The following TUSC3 variants were observed in gnomAD, a reference collection of about 807,000 sequenced individuals.
TUSC3 encodes dolichyl-diphosphooligosaccharide--protein glycosyltransferase subunit TUSC3.
Under a neutral mutation model 44.8 loss-of-function variants are expected in TUSC3, and 45 were observed. The ratio of observed to expected loss-of-function variants is 1.00; its 90% confidence interval spans 0.79 to 1.29. TUSC3 has a LOEUF of 1.29. TUSC3 is among the 50% of genes most tolerant of loss of function. TUSC3 has a pLI of 0.00. For missense variants in TUSC3, 519 were observed against 437.9 expected (o/e 1.19, Z -1.65); for synonymous variants, 212 against 152.9 (o/e 1.39, Z -2.85).
chr8:15,730,820 C>CT, intron 7 of TUSC3, 91 bp downstream of exon 7: 17 of 1,249,554 alleles, frequency 1.4e-5, no homozygotes, highest in Non-Finnish European at 1.8e-5. Flanking sequence ...AATATCAAGA[C>CT]TTTTAAGAGA....
chr8:15,438,842 A>G (rs1330143678), intron 1 of TUSC3, among the ~76,000 whole-genome samples: 1 of 152,232 alleles, frequency 6.6e-6, no homozygotes, highest in African/African-American at 2.4e-5. Flanking sequence ...TGATGAGTGA[A>G]TATGCAGAGC....
the TUSC3 span, among the ~76,000 whole-genome samples, chr8:15,794,779 A>AG: frequency 1.3e-5 from 2 of 152,112 alleles, no homozygotes; most frequent in African/African-American, 2.4e-5. Context: ...TTTGATCCAC[A>AG]GGGGGGAAAA....
At chr8:15,544,988 C>G (rs1801815223) in intron 1 of TUSC3, among the ~76,000 whole-genome samples, 1 of 151,678 alleles carries the variant, frequency 6.6e-6, no homozygotes, top group African/African-American at 2.4e-5. Flanking sequence ...ATAGAATGGT[C>G]TTTATGTACA....
chr8:15,485,976 T>A (rs774496079), intron 2 of TUSC3, among the ~76,000 whole-genome samples: 6 of 152,042 alleles, frequency 3.9e-5, no homozygotes, highest in Non-Finnish European at 8.8e-5. Context: ...GTATATTTAG[T>A]AGAGTCGGGG....
At chr8:15,823,035 A>T in the TUSC3 span, among the ~76,000 whole-genome samples, 382 of 152,258 alleles carry the variant, frequency 2.5e-3, no homozygotes, top group Admixed American at 5.2e-3. Flanking sequence ...TTCTTTTCTA[A>T]AGGAAGAGGA....
At chr8:15,690,170 C>T (rs34974267) in intron 6 of TUSC3, among the ~76,000 whole-genome samples, 31,913 of 152,002 alleles carry the variant, frequency 0.21, 4,272 homozygotes, top group Non-Finnish European at 0.3. Flanking sequence ...ACAATCTCGC[C>T]AAAATCTATT....
At chr8:15,449,975 A>G (rs1189778798) in intron 1 of TUSC3, among the ~76,000 whole-genome samples, 1 of 152,134 alleles carries the variant, frequency 6.6e-6, no homozygotes, top group African/African-American at 2.4e-5. Context: ...AGGCTATACC[A>G]CATAGCCTAG....
At chr8:15,641,377 A>G (rs189126564) in intron 2 of TUSC3, among the ~76,000 whole-genome samples, 6 of 151,876 alleles carry the variant, frequency 4.0e-5, no homozygotes, top group African/African-American at 1.4e-4. Context: ...AAAAAAAAAA[A>G]AAGAAAAGTT....
At chr8:15,792,894 C>T in the TUSC3 span, among the ~76,000 whole-genome samples, 1 of 152,132 alleles carries the variant, frequency 6.6e-6, no homozygotes, top group Admixed American at 6.5e-5. Flanking sequence ...GATGGGATTA[C>T]AGGCGTGAGT....
intron 1 of TUSC3, among the ~76,000 whole-genome samples, chr8:15,481,791 C>A (rs568014721): frequency 6.6e-6 from 1 of 152,254 alleles, no homozygotes; most frequent in East Asian, 1.9e-4. Context: ...AATCTTTTTG[C>A]CGGCGGAGGG....
chr8:15,570,831 G>A (rs1264891092), intron 1 of TUSC3, among the ~76,000 whole-genome samples: 1 of 151,872 alleles, frequency 6.6e-6, no homozygotes, highest in Non-Finnish European at 1.5e-5. Context: ...AGAAGAGAGT[G>A]AATGCATACC....
At chr8:15,787,976 AT>A in the TUSC3 span, among the ~76,000 whole-genome samples, 1 of 152,160 alleles carries the variant, frequency 6.6e-6, no homozygotes, top group South Asian at 2.1e-4. Flanking sequence ...ATTCTCTCTT[AT>A]TTATAAAGGA....
At chr8:15,520,326 C>T (rs552341945) in intron 2 of TUSC3, among the ~76,000 whole-genome samples, 27 of 152,196 alleles carry the variant, frequency 1.8e-4, no homozygotes, top group Non-Finnish European at 3.8e-4. Flanking sequence ...CTGGATTTTC[C>T]TTCCAGCTGT....
chr8:15,703,701 C>T lies in TUSC3; in HGVS notation c.799-26965C>T, dbSNP rs75453093. Among the ~76,000 whole-genome samples, 1,386 of 152,110 alleles carry T rather than the reference C, an allele frequency of 9.1e-3. 22 individuals are homozygous for T. The highest frequency in any genetic ancestry group is 0.03 in the African/African-American group (1,259 of 41,514). ...ATCAAATGGCGAGTGAGAGGAGTGA[C>T]GTACCAGATTCTCTTAAATCATGGA... On this transcript the variant is annotated intron_variant, in intron 6 of 10. Transcript: ENST00000503731.
intron 1 of TUSC3, among the ~76,000 whole-genome samples, chr8:15,473,283 G>T (rs139790978): frequency 6.6e-6 from 1 of 152,050 alleles, no homozygotes; most frequent in Admixed American, 6.6e-5. Flanking sequence ...TATTATAAGG[G>T]GTACAACCTT....
intron 6 of TUSC3, among the ~76,000 whole-genome samples, chr8:15,703,842 G>C (rs962584087): frequency 2.0e-5 from 3 of 152,128 alleles, no homozygotes; most frequent in African/African-American, 7.2e-5. Context: ...TTCAACATGA[G>C]ATTTGGAGGG....
intron 2 of TUSC3, among the ~76,000 whole-genome samples, chr8:15,527,693 C>G (rs957857247): frequency 3.3e-5 from 5 of 152,186 alleles, no homozygotes; most frequent in Non-Finnish European, 7.4e-5. Context: ...GAGTGAGCCA[C>G]TGCACCAGGC....
intron 1 of TUSC3, among the ~76,000 whole-genome samples, chr8:15,592,983 A>T (rs1235988117): frequency 6.6e-6 from 1 of 152,150 alleles, no homozygotes; most frequent in African/African-American, 2.4e-5. Context: ...ATGAATTTTG[A>T]GTGTGAGGAA....
At chr8:15,775,319 G>A in the TUSC3 span, among the ~76,000 whole-genome samples, 1 of 152,062 alleles carries the variant, frequency 6.6e-6, no homozygotes, top group African/African-American at 2.4e-5. Context: ...AGGATGGGGA[G>A]TGACTATTTA....
Sources: gnomAD v4.1 joint callset for allele counts (sites outside exome capture counted in the v4.1 genomes callset) on GRCh38, gnomAD v4.1.1 for gene constraint, MANE v1.5 for transcripts, NCBI Gene and HGNC (gene_info 2026-07-23, HGNC 2026-07-21) for gene names.